Variants in PTPRA observed in about 807,000 individuals in gnomAD.
PTPRA encodes the protein protein tyrosine phosphatase receptor type A.
Under a neutral mutation model 104.8 loss-of-function variants are expected in PTPRA, and 25 were observed. The observed-to-expected ratio is 0.24, with a 90% CI of 0.17 to 0.33. The LOEUF (loss-of-function observed/expected upper bound fraction) is 0.33, where lower values mean the gene tolerates loss of function less well. PTPRA is among the 10% of genes least tolerant of loss of function. The probability of loss-of-function intolerance (pLI) is 1.00; values close to 1 mark genes in which losing one functional copy is unlikely to be tolerated. For synonymous variants in PTPRA, 323 were observed against 368.9 expected (o/e 0.88, Z 1.43); for missense variants, 765 against 1,015.3 (o/e 0.75, Z 3.35).
chr20:2,924,407 A>G lies in PTPRA; in HGVS notation c.-50+1122A>G, dbSNP rs199911389. On this transcript the variant is annotated intron_variant, in intron 2 of 23. Transcript: ENST00000399903. Reference sequence around the variant, plus strand: ...GGCAACAGGGCGAGACTATGTATCAACAACAACAAAAAATTGACATACACT... The same window carrying G: ...GGCAACAGGGCGAGACTATGTATCAGCAACAACAAAAAATTGACATACACT... 3.9e-5 allele frequency among the ~76,000 whole-genome samples: 6 copies of G among 152,350 alleles called. No individual in the cohort carries two copies. In the East Asian group the frequency reaches 7.7e-4, roughly 20 times the overall value.
At chr20:3,003,628 G>C (rs1270191969) in intron 9 of PTPRA, among the ~76,000 whole-genome samples, 1 of 151,462 alleles carries the variant, frequency 6.6e-6, no homozygotes, top group South Asian at 2.1e-4. Flanking sequence ...TTGAACTCCT[G>C]GGCTGAAGTG....
chr20:3,026,681 A>T lies in PTPRA; in HGVS notation c.1615-6A>T, dbSNP rs769242370. 1 of 1,602,068 alleles carries T rather than the reference A, an allele frequency of 6.2e-7. No individual in the cohort carries two copies. ...AGTAATGTTTCCCCTCCCCTTCCCA[A>T]TTCAGAAGTTAACATCAATCAAAAT... On this transcript the variant is annotated splice_polypyrimidine_tract_variant and splice_region_variant and intron_variant, in intron 17 of 23. Transcript: ENST00000399903.
chr20:3,021,002 G>C (rs534013371), intron 13 of PTPRA, among the ~76,000 whole-genome samples: 22 of 152,354 alleles, frequency 1.4e-4, no homozygotes, highest in African/African-American at 5.1e-4. Flanking sequence ...TGAAAGTGCA[G>C]ATTTTGTAGG....
chr20:3,029,284 C>T (rs1012380306), intron 20 of PTPRA, among the ~76,000 whole-genome samples: 20 of 151,636 alleles, frequency 1.3e-4, no homozygotes, highest in Admixed American at 3.9e-4. Context: ...GGACTAAAGG[C>T]ACGTGCCACC....
At position 3,017,067 on chromosome 20, in the gene PTPRA, G is replaced by A. The variant is rs117173120; in HGVS notation, c.944-749G>A. On this transcript the variant is annotated intron_variant, in intron 12 of 23. Transcript: ENST00000399903. ...TAGTTTTTTTCCCCCTTCTTTTTTA[G>A]TCATTGTGTTTTTTATATACCTACT... Among the ~76,000 whole-genome samples, 116 of 152,042 alleles carry A rather than the reference G, an allele frequency of 7.6e-4. No individual in the cohort carries two copies. In the East Asian group the frequency reaches 0.022, roughly 29 times the overall value.
At chr20:3,019,857 C>T (rs1600265318) in intron 13 of PTPRA, among the ~76,000 whole-genome samples, 3 of 152,102 alleles carry the variant, frequency 2.0e-5, no homozygotes, top group South Asian at 4.1e-4. Flanking sequence ...AGATCACTTG[C>T]GGTTAGGAGC....
At chr20:2,999,489 G>A (rs527460555) in intron 9 of PTPRA, among the ~76,000 whole-genome samples, 2 of 152,162 alleles carry the variant, frequency 1.3e-5, no homozygotes, top group Admixed American at 6.5e-5. Context: ...AGACAGTTTT[G>A]TATTGGCACT....
intron 3 of PTPRA, among the ~76,000 whole-genome samples, chr20:2,951,207 C>G (rs753125204): frequency 2.4e-4 from 36 of 152,268 alleles, no homozygotes; most frequent in Admixed American, 1.0e-3. Flanking sequence ...TCACACCATT[C>G]TCCTACCTCT....
At chr20:2,965,301 G>A (rs1051525071) in intron 5 of PTPRA, 99 bp downstream of exon 5, 3 of 1,233,800 alleles carry the variant, frequency 2.4e-6, no homozygotes, top group South Asian at 3.1e-5. Flanking sequence ...CTTCAAATAA[G>A]TAAAATTGCT....
chr20:2,960,492 G>A (rs912250792), intron 3 of PTPRA, among the ~76,000 whole-genome samples: 2 of 151,724 alleles, frequency 1.3e-5, no homozygotes, highest in East Asian at 1.9e-4. Flanking sequence ...CTCGTGATCC[G>A]CCCACCTCGG....
chr20:2,864,964 T>C, the PTPRA span: 6 of 1,614,018 alleles, frequency 3.7e-6, no homozygotes, highest in Non-Finnish European at 5.1e-6. This position sits in a 1 kb window ranked among gnomAD's most constrained non-coding sequence, Gnocchi z 5.2. Context: ...AGGCCTTCCT[T>C]CTTGTCTTTA....
intron 1 of PTPRA, among the ~76,000 whole-genome samples, chr20:2,885,769 T>A (rs2090345488): frequency 1.3e-5 from 2 of 152,094 alleles, no homozygotes; most frequent in South Asian, 4.1e-4. Context: ...CTGCTACAGA[T>A]TAAAAAAGAC....
At chr20:2,985,924 T>TTTGC (rs2062886049) in intron 6 of PTPRA, among the ~76,000 whole-genome samples, 1 of 138,612 alleles carries the variant, frequency 7.2e-6, no homozygotes, top group South Asian at 2.4e-4. Context: ...TGTTTGTTTG[T>TTTGC]TTTGAGACAG....
chr20:2,911,570 T>C (rs568791350), intron 1 of PTPRA, among the ~76,000 whole-genome samples: 1 of 152,330 alleles, frequency 6.6e-6, no homozygotes, highest in African/African-American at 2.4e-5. Context: ...GTTTATTTCA[T>C]GTGGAAAAGG....
chr20:2,883,419 G>A (rs1766770392), intron 1 of PTPRA, among the ~76,000 whole-genome samples: 2 of 22,946 alleles, frequency 8.7e-5, no homozygotes, highest in African/African-American at 1.8e-3. Context: ...TTGGGAGGCC[G>A]AGGCGGGCGG....
rs1281096051 is a variant in PTPRA, at chr20:3,033,431, A to G, written c.1921-2154A>G. Among the ~76,000 whole-genome samples, 4 of 151,954 alleles carry G rather than the reference A, an allele frequency of 2.6e-5. 1 individual carries two copies. The highest frequency in any genetic ancestry group is 5.9e-5 in the Non-Finnish European group (4 of 67,924). On this transcript the variant is annotated intron_variant, in intron 20 of 23. Coordinates refer to ENST00000399903, the MANE Select transcript of PTPRA (RefSeq NM_001385305.1). ...CAGCGTAACTGCTGTCATCTGAACA[A>G]GCCCTCGTCTCTCACTGCTTGCCCG...
chr20:2,992,606 C>T (rs1215041465), intron 9 of PTPRA, among the ~76,000 whole-genome samples: 2 of 152,188 alleles, frequency 1.3e-5, no homozygotes, highest in African/African-American at 4.8e-5. Flanking sequence ...CTTGCAGTCT[C>T]TACCCTAGAG....
At chr20:2,890,454 A>G (rs536210189) in intron 1 of PTPRA, among the ~76,000 whole-genome samples, 9 of 152,318 alleles carry the variant, frequency 5.9e-5, no homozygotes, top group Non-Finnish European at 1.0e-4. Flanking sequence ...TAAGCATTAG[A>G]TAGTGCGTGG....
chr20:2,894,633 C>T (rs543552095), intron 1 of PTPRA, among the ~76,000 whole-genome samples: 1 of 151,484 alleles, frequency 6.6e-6, no homozygotes, highest in Admixed American at 6.6e-5. Flanking sequence ...GCCCACTGTG[C>T]TACCAGTTTG....
Sources: allele counts gnomAD v4.1 joint callset (sites outside exome capture counted in the v4.1 genomes callset), GRCh38; gene constraint gnomAD v4.1.1; non-coding constraint Gnocchi (gnomAD v3.1); transcripts MANE v1.5; gene names NCBI Gene and HGNC (gene_info 2026-07-23, HGNC 2026-07-21).